The following DBF4 variants were observed in gnomAD, a reference collection of about 807,000 sequenced individuals.
The protein encoded by DBF4 is DBF4-CDC7 kinase regulatory subunit.
In DBF4, 25 loss-of-function variants were observed where a neutral mutation model predicts 76.6. That is an observed-to-expected ratio of 0.33 (90% CI 0.24 to 0.46). The LOEUF is 0.46. Ranked by LOEUF, DBF4 falls within the 20% of genes least tolerant of loss-of-function variation. The probability of loss-of-function intolerance (pLI) is 1.00; values close to 1 mark genes in which losing one functional copy is unlikely to be tolerated. For missense variants in DBF4, 638 were observed against 760.8 expected, an observed-to-expected ratio of 0.84 and a Z score of 1.90; for synonymous variants, 213 against 258.0, an observed-to-expected ratio of 0.83 and a Z score of 1.67.
intron 2 of DBF4, among the ~76,000 whole-genome samples, chr7:87,883,078 A>G (rs1839256648): frequency 6.6e-6 from 1 of 152,220 alleles, no homozygotes; most frequent in Admixed American, 6.5e-5. Flanking sequence ...ATATACATAC[A>G]ATAGAATATT....
At chr7:87,899,360 G>C (rs1839712165) in intron 8 of DBF4, among the ~76,000 whole-genome samples, 1 of 152,122 alleles carries the variant, frequency 6.6e-6, no homozygotes. Flanking sequence ...GGTTGAACAA[G>C]TCATATATCT....
intron 3 of DBF4, 86 bp downstream of exon 3, chr7:87,885,244 T>A (rs1335611990): frequency 5.1e-6 from 6 of 1,177,050 alleles, no homozygotes; most frequent in African/African-American, 4.6e-5. Flanking sequence ...GCAGTAGAGT[T>A]TACTTATGTA....
intron 6 of DBF4, among the ~76,000 whole-genome samples, chr7:87,892,723 T>TG (rs528429791): frequency 9.3e-4 from 141 of 152,350 alleles, no homozygotes; most frequent in Admixed American, 1.7e-3. Flanking sequence ...GAGTTCCTGT[T>TG]GCTGATAGGT....
At position 87,876,599 on chromosome 7, in the gene DBF4, T is replaced by G; in HGVS notation, c.-134T>G. The G allele has an allele frequency of 1.0e-6, 1 of 996,968 alleles. No homozygotes were observed. The highest frequency in any genetic ancestry group is 1.5e-6 in the Non-Finnish European group (1 of 653,490). The allele number at this position is 996,968 out of a possible 1,614,324, so 61.8% of individuals were successfully genotyped here. ...ACCCGACCTGCAGACGCGGTACCTC[T>G]ACTGCGTAGAGGCCGTAGCTGGCGG... On this transcript the variant is annotated 5_prime_UTR_variant, in exon 1 of 12. Coordinates refer to ENST00000265728, the MANE Select transcript of DBF4 (RefSeq NM_006716.4).
At position 87,885,194 on chromosome 7, in the gene DBF4, G is replaced by A. The variant is rs574582190; in HGVS notation, c.399+36G>A. 20 of 1,515,036 alleles carry A rather than the reference G, an allele frequency of 1.3e-5. No individual in the cohort carries two copies. The South Asian group carries it at 2.4e-4, about 18-fold the overall frequency. 93.8% of individuals were successfully genotyped at this position (1,515,036 alleles called of 1,614,324 possible). ...TAAATATGCTTTGAGACTCAGAAGG[G>A]CTATATCCTGAAGATCTCCTGGTTT... On this transcript the variant is annotated intron_variant, in intron 3 of 11. Coordinates refer to ENST00000265728, the MANE Select transcript of DBF4 (RefSeq NM_006716.4).
chr7:87,894,760 C>T (rs767928261), intron 6 of DBF4, among the ~76,000 whole-genome samples: 15 of 152,130 alleles, frequency 9.9e-5, no homozygotes, highest in Non-Finnish European at 1.6e-4. Flanking sequence ...TGGATTCTGA[C>T]GAGAAATCTG....
chr7:87,884,907 A>G (rs1172902649), intron 2 of DBF4, 72 bp from the exon 3 acceptor site: 2 of 1,192,628 alleles, frequency 1.7e-6, no homozygotes, highest in Non-Finnish European at 2.4e-6. Flanking sequence ...ACTGCACTCT[A>G]GCCTGGATAA....
At position 87,907,862 on chromosome 7, in the gene DBF4, A is replaced by G. The variant is rs2041049; in HGVS notation, c.1724A>G (p.His575Arg). Residue 575 changes from histidine to arginine, a missense_variant, in exon 12 of 12, where the codon CAT (histidine) becomes CGT (arginine). Transcript: ENST00000265728. Reference sequence around the variant, plus strand: ...GATAGTTTACCTTCTGGTAAAATACATCGAAAAGTGAAAATAATATTAGGA... The same window carrying G: ...GATAGTTTACCTTCTGGTAAAATACGTCGAAAAGTGAAAATAATATTAGGA... Reference protein sequence around the residue: ...NMDSLPSGKIHRKVKIILGRN... With the variant: ...NMDSLPSGKIRRKVKIILGRN... The G allele has an allele frequency of 0.033, 53,205 of 1,613,656 alleles. 1,285 individuals are homozygous for G. Among genetic ancestry groups the G allele is most frequent in the East Asian group, 0.1 (4,534 of 44,866 alleles).
chr7:87,884,337 G>A (rs548534331), intron 2 of DBF4, among the ~76,000 whole-genome samples: 1 of 152,216 alleles, frequency 6.6e-6, no homozygotes, highest in African/African-American at 2.4e-5. Context: ...GGCCAACCTG[G>A]GCAACATAAC....
At position 87,908,130 on chromosome 7, in the gene DBF4, G is replaced by A. The variant is rs372243712; in HGVS notation, c.1992G>A (p.Ser664=). Residue 664 remains serine, a synonymous_variant, in exon 12 of 12, where the codon TCG becomes TCA. Transcript: ENST00000265728. ...NSDNLLTAFF[S]SPSTSTFTGF ...ATAATCTGTTAACAGCGTTTTTCTC[G>A]TCCCCTTCAACTTCTACATTTACTG... 619 of 1,600,976 alleles carry A rather than the reference G, an allele frequency of 3.9e-4. 2 individuals are homozygous for A. Among genetic ancestry groups the A allele is most frequent in the South Asian group, 5.3e-4 (47 of 87,982 alleles).
At chr7:87,878,776 G>C (rs1017250885) in intron 2 of DBF4, among the ~76,000 whole-genome samples, 1 of 152,152 alleles carries the variant, frequency 6.6e-6, no homozygotes, top group African/African-American at 2.4e-5. Context: ...CAAAATTCTA[G>C]GACCTTAATA....
At chr7:87,881,155 C>G (rs1413399066) in intron 2 of DBF4, among the ~76,000 whole-genome samples, 1 of 152,182 alleles carries the variant, frequency 6.6e-6, no homozygotes, top group Non-Finnish European at 1.5e-5. Flanking sequence ...GCATGTAATC[C>G]TAGCACTTTG....
At chr7:87,904,454 A>C (rs17150028) in intron 11 of DBF4, 38 bp downstream of exon 11, 2 of 1,579,566 alleles carry the variant, frequency 1.3e-6, no homozygotes, top group African/African-American at 1.3e-5. Flanking sequence ...AAATTCTACT[A>C]GGCGGCCAGG....
At chr7:87,882,803 A>G (rs968147367) in intron 2 of DBF4, among the ~76,000 whole-genome samples, 16 of 152,194 alleles carry the variant, frequency 1.1e-4, no homozygotes, top group African/African-American at 3.9e-4. Flanking sequence ...CAGAAAAATA[A>G]CAAGTGTTAA....
Position 87,907,875 on chromosome 7 carries a change from A to G in DBF4, c.1737A>G (p.Lys579=), listed in dbSNP as rs12666742. The G allele has an allele frequency of 2.3e-3, 3,782 of 1,613,620 alleles. 100 individuals are homozygous for G. The East Asian group carries it at 0.06, about 26-fold the overall frequency. ...LPSGKIHRKV[K]IILGRNRKEN... ...CTGGTAAAATACATCGAAAAGTGAA[A>G]ATAATATTAGGACGAAATAGAAAAG... Residue 579 remains lysine (K), a synonymous_variant, in exon 12 of 12, where the codon AAA becomes AAG. Transcript: ENST00000265728.
rs145973066 is a variant in DBF4 at position 87,897,474 on chromosome 7, C to T, written c.680+135C>T. 1.9e-3 allele frequency: 1,268 copies of T among 684,294 alleles called. 39 individuals are homozygous for T. In the East Asian group the frequency reaches 0.037, roughly 20 times the overall value. The allele number at this position is 684,294 out of a possible 1,614,324, so 42.4% of individuals were successfully genotyped here. Reference sequence around the variant, plus strand: ...TTATATTATACTAATGTGCATGCGGCACAAGTTAACGAAAGTAGCATTAAT... The same window carrying T: ...TTATATTATACTAATGTGCATGCGGTACAAGTTAACGAAAGTAGCATTAAT... On this transcript the variant is annotated intron_variant, in intron 8 of 11. Coordinates refer to ENST00000265728, the MANE Select transcript of DBF4 (RefSeq NM_006716.4).
chr7:87,891,907 G>A (rs1839501946), intron 6 of DBF4, among the ~76,000 whole-genome samples: 1 of 152,068 alleles, frequency 6.6e-6, no homozygotes, highest in Non-Finnish European at 1.5e-5. Context: ...TTTTCTTTAA[G>A]CTTTCCTTTA....
chr7:87,904,941 T>C (rs2131077732), intron 11 of DBF4, among the ~76,000 whole-genome samples: 1 of 152,212 alleles, frequency 6.6e-6, no homozygotes, highest in East Asian at 1.9e-4. Flanking sequence ...ATGTAAAACT[T>C]TTCCTTTTTT....
Position 87,878,044 on chromosome 7 carries a change from C to A in DBF4, c.47-9C>A. The A allele has an allele frequency of 6.3e-7, 1 of 1,579,926 alleles. No homozygotes were observed. The highest frequency in any genetic ancestry group is 8.6e-7 in the Non-Finnish European group (1 of 1,164,934). On this transcript the variant is annotated splice_polypyrimidine_tract_variant and intron_variant, in intron 1 of 11. Coordinates refer to ENST00000265728, the MANE Select transcript of DBF4 (RefSeq NM_006716.4). ...GTGTAAAACATCTGATTCTAAACAT[C>A]TTTAATAGGTGGAATCCAAGTCAAA... is the stretch of plus-strand genomic sequence containing the variant.
Sources: gnomAD v4.1 joint callset for allele counts (sites outside exome capture counted in the v4.1 genomes callset) on GRCh38, gnomAD v4.1.1 for gene constraint, MANE v1.5 for transcripts, NCBI Gene and HGNC (gene_info 2026-07-23, HGNC 2026-07-21) for gene names.